Variants in DNAH11 observed in about 807,000 individuals in gnomAD.
The protein encoded by DNAH11 is axonemal beta dynein heavy chain 11.
A neutral mutation model predicts 526.0 loss-of-function variants in DNAH11; 442 were observed. The observed-to-expected ratio is 0.84, with a 90% CI of 0.78 to 0.91. DNAH11 has a LOEUF of 0.91. Among genes scored for constraint, DNAH11 ranks in the 40% least tolerant of loss-of-function variants. The pLI is 0.00. For missense variants in DNAH11, 6,989 were observed against 5,448.7 expected (o/e 1.28, Z -8.90); for synonymous variants, 2,461 against 1,935.9 (o/e 1.27, Z -7.12).
intron 66 of DNAH11, among the ~76,000 whole-genome samples, chr7:21,846,201 C>A (rs1782410862): frequency 1.3e-5 from 2 of 152,130 alleles, no homozygotes; most frequent in Admixed American, 1.3e-4. Context: ...GTTCTTCCTT[C>A]CCATTCCATA....
chr7:21,816,368 C>T (rs1789790235), intron 63 of DNAH11, 99 bp from the exon 64 acceptor site: 1 of 921,790 alleles, frequency 1.1e-6, no homozygotes, highest in African/African-American at 1.7e-5. Context: ...CATGTGTTTA[C>T]CTAGGGTTAC....
chr7:21,643,383 T>G (rs1393189429), intron 28 of DNAH11, among the ~76,000 whole-genome samples: 1 of 152,186 alleles, frequency 6.6e-6, no homozygotes, highest in African/African-American at 2.4e-5. Context: ...CTGAGAACAG[T>G]TTGCACATTT....
At position 21,738,799 on chromosome 7, in the gene DNAH11, G is replaced by A. The variant is rs1156258713; in HGVS notation, c.7744G>A (p.Glu2582Lys). The part of the protein sequence containing the change: ...IYFIDDMNMP[E>K]VDLYGTVQPH... ...TTTTATCGACGACATGAACATGCCT[G>A]AAGTGGACTTATATGGCACCGTTCA... Residue 2582 changes from glutamate to lysine, a missense_variant, in exon 47 of 82, where the codon GAA becomes AAA. Coordinates refer to ENST00000409508, the MANE Select transcript of DNAH11 (RefSeq NM_001277115.2). The A allele has an allele frequency of 1.4e-5, 23 of 1,602,930 alleles. No homozygotes were observed. The highest frequency in any genetic ancestry group is 1.9e-5 in the Non-Finnish European group (22 of 1,174,286).
At chr7:21,681,475 C>A (rs540633588) in intron 30 of DNAH11, 71 bp from the exon 31 acceptor site, 5 of 1,472,396 alleles carry the variant, frequency 3.4e-6, no homozygotes, top group South Asian at 1.3e-5. Context: ...TTTACAAATA[C>A]GAAGAATTTG....
rs369182142 is a variant in DNAH11 at position 21,801,165 on chromosome 7, C to T, written c.10055C>T (p.Thr3352Met). ...VDLDRNLSRL[T>M]ASFEKATAEK... ...CTGGATCGAAATCTGAGCAGACTCA[C>T]GGCTTCATTTGAAAAAGCAACAGCT... The change falls in exon 62 of 82, where the codon ACG becomes ATG. Residue 3352 changes from threonine (T) to methionine (M), a missense_variant. Physicochemically the swap from Thr to Met is moderately conservative, Grantham distance 81. Coordinates refer to ENST00000409508, the MANE Select transcript of DNAH11 (RefSeq NM_001277115.2). 140 of 1,611,188 alleles carry T rather than the reference C, an allele frequency of 8.7e-5. No homozygotes were observed. The highest frequency in any genetic ancestry group is 4.3e-4 in the South Asian group (39 of 90,416).
intron 34 of DNAH11, among the ~76,000 whole-genome samples, chr7:21,688,648 T>C (rs1213743323): frequency 3.3e-5 from 5 of 152,318 alleles, no homozygotes; most frequent in Admixed American, 2.6e-4. Context: ...AAAATCTTAG[T>C]CCTTCCACCA....
chr7:21,884,404 A>T lies in DNAH11; in HGVS notation c.12501A>T (p.Pro4167=), dbSNP rs1400685210. The T allele has an allele frequency of 6.2e-7, 1 of 1,603,146 alleles. No homozygotes were observed. The highest frequency in any genetic ancestry group is 1.3e-5 in the African/African-American group (1 of 74,564). The change falls in exon 76 of 82, where the codon CCA becomes CCT. Residue 4167 remains proline, a synonymous_variant. Transcript: ENST00000409508. The part of the protein sequence containing the change: ...CRVYLEEFMN[P]SLTEDELMLA... The stretch of plus-strand genomic sequence containing the variant: ...TGTATTTAGAAGAATTCATGAATCC[A>T]TCTCTGGTAAGACATTTGTAAATTA...
rs1449677119 is a variant in DNAH11, at chr7:21,852,532, T to A, written c.10962T>A (p.Leu3654=). 1.9e-6 allele frequency: 3 copies of A among 1,613,722 alleles called. No individual in the cohort carries two copies. The highest frequency in any genetic ancestry group is 2.5e-6 in the Non-Finnish European group (3 of 1,179,752). The change falls in exon 67 of 82, where the codon CTT becomes CTA. Residue 3654 remains leucine (L), a synonymous_variant. Transcript: ENST00000409508. ...TCAAGTATCTGGAAGACGATCTCCT[T>A]TTGCGCCTTTCTGCGGCAGAGGGAA... ...IELKYLEDDL[L]LRLSAAEGSF...
intron 65 of DNAH11, among the ~76,000 whole-genome samples, chr7:21,831,655 A>C (rs934140840): frequency 3.9e-5 from 6 of 152,120 alleles, no homozygotes; most frequent in African/African-American, 1.4e-4. Flanking sequence ...CCCCAAGCAG[A>C]TACATTTCTG....
At chr7:21,545,817 T>C (rs1437346965) in intron 2 of DNAH11, among the ~76,000 whole-genome samples, 1 of 152,204 alleles carries the variant, frequency 6.6e-6, no homozygotes, top group Non-Finnish European at 1.5e-5. Context: ...ATGCTCTTTG[T>C]TTGTGGACTA....
At chr7:21,708,984 G>A (rs1465033204) in intron 40 of DNAH11, among the ~76,000 whole-genome samples, 2 of 152,162 alleles carry the variant, frequency 1.3e-5, no homozygotes, top group Non-Finnish European at 2.9e-5. Flanking sequence ...GACTTGGTGG[G>A]AAATAAGTTT....
intron 34 of DNAH11, among the ~76,000 whole-genome samples, chr7:21,689,053 A>G (rs773776133): frequency 7.1e-4 from 108 of 152,306 alleles, no homozygotes; most frequent in Non-Finnish European, 1.5e-3. Flanking sequence ...ATACATCTGG[A>G]TATTTCTACA....
At position 21,790,511 on chromosome 7, in the gene DNAH11, A is replaced by G. The variant is rs1788436260; in HGVS notation, c.10026+1169A>G. Reference sequence around the variant, plus strand: ...ATTGTATGTACTACTAAATACCACTACTGTTTTTACAAATATGTAAACCAC... The same window carrying G: ...ATTGTATGTACTACTAAATACCACTGCTGTTTTTACAAATATGTAAACCAC... On this transcript the variant is annotated intron_variant, in intron 61 of 81. Coordinates refer to ENST00000409508, the MANE Select transcript of DNAH11 (RefSeq NM_001277115.2). Among the ~76,000 whole-genome samples, 3 of 152,174 alleles carry G rather than the reference A, an allele frequency of 2.0e-5. No individual in the cohort carries two copies. The South Asian group carries it at 6.2e-4, about 31-fold the overall frequency.
intron 39 of DNAH11, 120 bp downstream of exon 39, chr7:21,705,657 G>A: frequency 1.0e-6 from 1 of 952,984 alleles, no homozygotes; most frequent in Middle Eastern, 2.4e-4. Flanking sequence ...CATAATTTTG[G>A]GTCAGAATCT....
chr7:21,819,848 C>T (rs1257893377), intron 65 of DNAH11, among the ~76,000 whole-genome samples: 2 of 152,168 alleles, frequency 1.3e-5, no homozygotes, highest in African/African-American at 4.8e-5. Flanking sequence ...CAGGCCAGAA[C>T]AGTTTAATTC....
intron 24 of DNAH11, 55 bp downstream of exon 24, chr7:21,619,277 A>G: frequency 6.4e-7 from 1 of 1,574,170 alleles, no homozygotes; most frequent in African/African-American, 1.4e-5. Flanking sequence ...GTATTTGCAT[A>G]GAAGCCAACT....
Position 21,856,247 on chromosome 7 carries a change from G to T in DNAH11, c.11202+1792G>T, listed in dbSNP as rs1198707954. Among the ~76,000 whole-genome samples the T allele has an allele frequency of 1.3e-5, 2 of 152,164 alleles. 1 individual carries two copies. Among genetic ancestry groups the T allele is most frequent in the African/African-American group, 4.8e-5 (2 of 41,432 alleles). On this transcript the variant is annotated intron_variant, in intron 68 of 81. Coordinates refer to ENST00000409508, the MANE Select transcript of DNAH11 (RefSeq NM_001277115.2). Reference sequence around the variant, plus strand: ...AAGATTTCAAGCAGATAACTGATGTGATGACAAAAGACTCAGAGTTACGTG... The same window carrying T: ...AAGATTTCAAGCAGATAACTGATGTTATGACAAAAGACTCAGAGTTACGTG...
chr7:21,857,210 A>G (rs2128027450), intron 68 of DNAH11, among the ~76,000 whole-genome samples: 1 of 152,318 alleles, frequency 6.6e-6, no homozygotes, highest in East Asian at 1.9e-4. Context: ...TCTTAGCACT[A>G]TTTACAGTGG....
At position 21,559,002 on chromosome 7, in the gene DNAH11, C is replaced by A. The variant is rs762352605; in HGVS notation, c.692+4C>A. On this transcript the variant is annotated splice_donor_region_variant and intron_variant, in intron 3 of 81. Coordinates refer to ENST00000409508, the MANE Select transcript of DNAH11 (RefSeq NM_001277115.2). ...ATCAGAATTGTTCAGAGAACAAGTA[C>A]GTAACAGTACAATATATACAGGATA... 1.3e-6 allele frequency: 2 copies of A among 1,564,058 alleles called. No homozygotes were observed. The highest frequency in any genetic ancestry group is 1.7e-6 in the Non-Finnish European group (2 of 1,152,830).
Sources: gnomAD v4.1 joint callset for allele counts (sites outside exome capture counted in the v4.1 genomes callset) on GRCh38, gnomAD v4.1.1 for gene constraint, MANE v1.5 for transcripts, NCBI Gene and HGNC (gene_info 2026-07-23, HGNC 2026-07-21) for gene names.